Variants in GPAM observed in about 807,000 individuals in gnomAD.
GPAM encodes the protein glycerol-3-phosphate acyltransferase, mitochondrial.
A neutral mutation model predicts 105.0 loss-of-function variants in GPAM; 56 were observed. That is an observed-to-expected ratio of 0.53 (90% CI 0.43 to 0.67). The LOEUF (loss-of-function observed/expected upper bound fraction) is 0.67. GPAM is among the 30% of genes least tolerant of loss of function. The pLI is 0.00. For synonymous variants in GPAM, 368 were observed against 354.4 expected, an observed-to-expected ratio of 1.04 and a Z score of -0.43; for missense variants, 855 against 989.8, an observed-to-expected ratio of 0.86 and a Z score of 1.83.
chr10:112,202,878 C>G (rs961090021), intron 1 of GPAM, among the ~76,000 whole-genome samples: 5 of 152,170 alleles, frequency 3.3e-5, no homozygotes, highest in Non-Finnish European at 7.4e-5. Flanking sequence ...ATTATTTGTG[C>G]TCTGTTGTTT....
chr10:112,193,430 A>C (rs1847686021), intron 1 of GPAM, among the ~76,000 whole-genome samples: 1 of 152,214 alleles, frequency 6.6e-6, no homozygotes, highest in East Asian at 1.9e-4. Flanking sequence ...CTGAGGAATA[A>C]GTTTGCAAGG....
chr10:112,222,290 T>A, the GPAM span, among the ~76,000 whole-genome samples: 2 of 152,258 alleles, frequency 1.3e-5, no homozygotes, highest in Non-Finnish European at 2.9e-5. Flanking sequence ...GCTAAATGAA[T>A]GATTTTGCCC....
At chr10:112,217,227 C>T (rs1360987810), upstream of GPAM, among the ~76,000 whole-genome samples, 4 of 152,138 alleles carry the variant, frequency 2.6e-5, no homozygotes, top group East Asian at 1.9e-4. Flanking sequence ...AGATCAGAAA[C>T]GCCTACTCTG....
In GPAM at chr10:112,175,690, C is replaced by T. The variant is rs760239867; in HGVS notation, c.323G>A (p.Arg108His). The T allele has an allele frequency of 5.6e-6, 9 of 1,611,924 alleles. No homozygotes were observed. Among genetic ancestry groups the T allele is most frequent in the East Asian group, 2.2e-5 (1 of 44,876 alleles). Reference sequence around the variant, plus strand: ...TTGAATAAAAAGAACGTAAGAAAGGCGTCTTGCAAGCCATCCGCGGTGTCT... The same window carrying T: ...TTGAATAAAAAGAACGTAAGAAAGGTGTCTTGCAAGCCATCCGCGGTGTCT... ...HTRHRGWLAR[R>H]LSYVLFIQER... is the part of the protein sequence containing the mutation. Residue 108 changes from arginine (R) to histidine (H), a missense_variant, in exon 6 of 22, where the codon CGC (arginine) becomes CAC (histidine). By Grantham distance (29) the Arg-to-His change is conservative. Coordinates refer to ENST00000348367, the MANE Select transcript of GPAM (RefSeq NM_001244949.2).
At chr10:112,199,613 A>G (rs1343307692) in intron 1 of GPAM, among the ~76,000 whole-genome samples, 1 of 152,228 alleles carries the variant, frequency 6.6e-6, no homozygotes, top group Non-Finnish European at 1.5e-5. Flanking sequence ...TCCACAATGT[A>G]CATGTGTTAG....
chr10:112,201,416 A>G (rs911813530), intron 1 of GPAM, among the ~76,000 whole-genome samples: 1 of 152,194 alleles, frequency 6.6e-6, no homozygotes, highest in African/African-American at 2.4e-5. Context: ...TTCAGGAACT[A>G]CAAGCTCTCA....
At chr10:112,211,492 G>A (rs1291465258) in intron 1 of GPAM, among the ~76,000 whole-genome samples, 1 of 152,174 alleles carries the variant, frequency 6.6e-6, no homozygotes, top group Non-Finnish European at 1.5e-5. Context: ...GGCTATTAAG[G>A]ATTCAAATCC....
rs1847437046 is a variant in GPAM, at chr10:112,177,979, T to C, written c.299+5A>G. 6.6e-7 allele frequency: 1 copy of C among 1,516,512 alleles called. No individual in the cohort carries two copies. The highest frequency in any genetic ancestry group is 9.2e-7 in the Non-Finnish European group (1 of 1,092,032). The allele number at this position is 1,516,512 out of a possible 1,614,324, so 93.9% of individuals were successfully genotyped here. A position where few individuals can be genotyped will look rare whatever the true frequency, so the allele number is the denominator to read the frequency against. ...GTATTAAAAACATAAGAAATTTCTT[T>C]TTACCTTGTGTGAGTTTCATTGATA... On this transcript the variant is annotated splice_donor_5th_base_variant and intron_variant, in intron 5 of 21. Transcript: ENST00000348367.
Position 112,188,889 on chromosome 10 carries a change from G to A in GPAM, n.211-5998C>T, listed in dbSNP as rs539088447. On this transcript the variant is annotated intron_variant and non_coding_transcript_variant, in intron 1 of 3. Transcript: ENST00000480130. ...CAACCAGACACAAAGCAGCACAGAA[G>A]GGATTTGAACCTAGGCCTTTCTCAT... Among the ~76,000 whole-genome samples, 333 of 152,240 alleles carry A rather than the reference G, an allele frequency of 2.2e-3. 2 individuals carry two copies. The highest frequency in any genetic ancestry group is 3.8e-3 in the Non-Finnish European group (260 of 68,012).
chr10:112,220,783 G>T, the GPAM span, among the ~76,000 whole-genome samples: 1 of 151,886 alleles, frequency 6.6e-6, no homozygotes, highest in Non-Finnish European at 1.5e-5. Context: ...CCATTGATGT[G>T]CATGTCATGA....
intron 5 of GPAM, 151 bp downstream of exon 5, chr10:112,177,833 C>T: frequency 3.4e-6 from 2 of 594,802 alleles, no homozygotes; most frequent in South Asian, 2.0e-5. Context: ...GGCTATACTG[C>T]TTCCAATTTT....
At chr10:112,189,280 A>G (rs1847628895) in intron 1 of GPAM, among the ~76,000 whole-genome samples, 2 of 152,164 alleles carry the variant, frequency 1.3e-5, no homozygotes, top group Admixed American at 1.3e-4. Flanking sequence ...TTTATTCAGT[A>G]TATATTTATA....
At chr10:112,220,353 C>T (rs1848006984), upstream of GPAM, among the ~76,000 whole-genome samples, 1 of 152,208 alleles carries the variant, frequency 6.6e-6, no homozygotes, top group Non-Finnish European at 1.5e-5. Context: ...TATTGGAATT[C>T]TCCTGTCTTG....
chr10:112,166,455 G>A lies in GPAM; in HGVS notation c.1168C>T (p.Arg390Ter), dbSNP rs1462520339. ...ACTCGGACACAACCATAGTTTTTTC[G>A]TAACATTCTAATAACACCTCTTGCT... ...SVARGVIRML[R>*]KNYGCVRVDF... Residue 390 changes from arginine to a stop codon, truncating the protein, a stop_gained, in exon 12 of 22, where the codon CGA (arginine) becomes TGA (stop). Transcript: ENST00000348367. LOFTEE classifies it high-confidence loss of function. 13 of 1,612,260 alleles carry A rather than the reference G, an allele frequency of 8.1e-6. No individual in the cohort carries two copies. The highest frequency in any genetic ancestry group is 2.2e-5 in the South Asian group (2 of 91,064).
chr10:112,155,908 T>G lies in GPAM; in HGVS notation c.2267A>C (p.His756Pro). ...VPEPEYLQKL[H>P]KYLITRTERN... ...TTCTGTTCTGGTTATTAGGTATTTG[T>G]GCAACTTTTGCAGATACTCAGGTTC... The change falls in exon 20 of 22, where the codon CAC becomes CCC. Residue 756 changes from histidine to proline, a missense_variant. By Grantham distance (77) the His-to-Pro change is moderately conservative. Transcript: ENST00000348367. 3 of 1,611,730 alleles carry G rather than the reference T, an allele frequency of 1.9e-6. 1 individual carries two copies. The highest frequency in any genetic ancestry group is 2.2e-5 in the South Asian group (2 of 91,028).
intron 1 of GPAM, among the ~76,000 whole-genome samples, chr10:112,210,603 G>T (rs1219012819): frequency 6.6e-6 from 1 of 152,190 alleles, no homozygotes; most frequent in African/African-American, 2.4e-5. Context: ...GGAGGTCAAG[G>T]GGACAGCCCC....
chr10:112,183,938 A>G (rs577164911), upstream of GPAM, among the ~76,000 whole-genome samples: 418 of 152,280 alleles, frequency 2.7e-3, 2 homozygotes, highest in African/African-American at 9.4e-3. Flanking sequence ...GAGCGCCTGG[A>G]CAGATGGTTA....
At chr10:112,191,408 T>C (rs1218082023) in intron 1 of GPAM, among the ~76,000 whole-genome samples, 1 of 152,200 alleles carries the variant, frequency 6.6e-6, no homozygotes, top group Non-Finnish European at 1.5e-5. Flanking sequence ...AGCCACTAGC[T>C]GTGCCACTGG....
chr10:112,171,537 C>T (rs934292969), intron 9 of GPAM, among the ~76,000 whole-genome samples: 17 of 152,146 alleles, frequency 1.1e-4, no homozygotes, highest in Admixed American at 5.2e-4. Context: ...TCACTACCTA[C>T]ACAGCTACCA....
Sources: gnomAD v4.1 joint callset for allele counts (sites outside exome capture counted in the v4.1 genomes callset) on GRCh38, gnomAD v4.1.1 for gene constraint, MANE v1.5 for transcripts, NCBI Gene and HGNC (gene_info 2026-07-23, HGNC 2026-07-21) for gene names.